Variants in KAZN observed in about 807,000 individuals in gnomAD.
KAZN encodes kazrin.
KAZN carries 40 observed loss-of-function variants against 87.4 expected under a neutral mutation model. The observed-to-expected ratio is 0.46, with a 90% CI of 0.36 to 0.60. KAZN has a LOEUF of 0.60. Ranked by LOEUF, KAZN falls within the 20% of genes least tolerant of loss-of-function variation. KAZN has a pLI of 0.00. For synonymous variants in KAZN, 466 were observed against 458.3 expected, an observed-to-expected ratio of 1.02 and a Z score of -0.22; for missense variants, 898 against 1,073.9, an observed-to-expected ratio of 0.84 and a Z score of 2.29.
At chr1:14,875,620 T>A (rs2101077472) in intron 1 of KAZN, among the ~76,000 whole-genome samples, 1 of 152,162 alleles carries the variant, frequency 6.6e-6, no homozygotes, top group Middle Eastern at 3.4e-3. Context: ...TGTGCTGGGG[T>A]CTGCTCCAGG....
In KAZN at chr1:15,066,418, G is replaced by A. The variant is rs554613375; in HGVS notation, c.1222+665G>A. 2.1e-5 allele frequency: 21 copies of A among 984,382 alleles called. No individual in the cohort carries two copies. Among genetic ancestry groups the A allele is most frequent in the East Asian group, 1.1e-4 (1 of 8,754 alleles). 61.0% of individuals were successfully genotyped at this position (984,382 alleles called of 1,614,324 possible). On this transcript the variant is annotated intron_variant, in intron 8 of 14. Coordinates refer to ENST00000376030, the MANE Select transcript of KAZN (RefSeq NM_201628.3). This position sits in a 1 kb window ranked among gnomAD's most constrained non-coding sequence, Gnocchi z 4.3. ...GTCACTTTAACCACAAAACGCCATC[G>A]TCGTCAGGGTAAGCTCTGCTCTCTA...
At position 14,637,706 on chromosome 1, in the gene KAZN, A is replaced by C. The variant is rs75226648; in HGVS notation, c.226+38483A>C. Among the ~76,000 whole-genome samples, 6 of 152,240 alleles carry C rather than the reference A, an allele frequency of 3.9e-5. No homozygotes were observed. In the East Asian group the frequency reaches 1.2e-3, roughly 29 times the overall value. On this transcript the variant is annotated intron_variant, in intron 1 of 14. Transcript: ENST00000376030. ...TGAGGGTTAAGAACCACTGTCCTGC[A>C]TAAATATATGTGTGTGTGCTCTTGT...
chr1:13,980,202 T>C (rs978430541), intron 1 of KAZN, among the ~76,000 whole-genome samples: 5 of 152,112 alleles, frequency 3.3e-5, no homozygotes, highest in Non-Finnish European at 7.4e-5. Flanking sequence ...AAAAATACTT[T>C]AGTAATTCAA....
intron 2 of KAZN, among the ~76,000 whole-genome samples, chr1:14,298,671 T>G (rs1489822074): frequency 6.6e-6 from 1 of 152,214 alleles, no homozygotes; most frequent in Non-Finnish European, 1.5e-5. Flanking sequence ...GAAGCCAGTG[T>G]TATTAGCTTG....
intron 1 of KAZN, among the ~76,000 whole-genome samples, chr1:13,999,199 A>C (rs533762014): frequency 1.8e-4 from 27 of 152,244 alleles, no homozygotes; most frequent in Middle Eastern, 3.4e-3. Context: ...AATAGAAAAA[A>C]TTAGCTGGGT....
chr1:14,139,209 A>G (rs189032888), intron 1 of KAZN, among the ~76,000 whole-genome samples: 1 of 152,282 alleles, frequency 6.6e-6, no homozygotes. Flanking sequence ...CTTTGCTCCT[A>G]TCCAAATTTG....
At chr1:14,561,695 G>A (rs1379386399) in intron 2 of KAZN, among the ~76,000 whole-genome samples, 4 of 152,104 alleles carry the variant, frequency 2.6e-5, no homozygotes, top group African/African-American at 7.2e-5. Flanking sequence ...CCTGAGGTCA[G>A]GAGTTCAAGA....
intron 1 of KAZN, among the ~76,000 whole-genome samples, chr1:14,764,032 A>G (rs550892585): frequency 1.3e-5 from 2 of 152,160 alleles, no homozygotes; most frequent in Non-Finnish European, 2.9e-5. Flanking sequence ...TACAGGCTTG[A>G]GCCACCACAC....
intron 1 of KAZN, among the ~76,000 whole-genome samples, chr1:14,132,617 G>T (rs192386295): frequency 1.3e-5 from 2 of 152,224 alleles, no homozygotes; most frequent in African/African-American, 2.4e-5. Context: ...AAGAATGCAT[G>T]CTGGAGAGCA....
chr1:14,172,414 A>G (rs1019608003), intron 1 of KAZN, among the ~76,000 whole-genome samples: 1 of 152,138 alleles, frequency 6.6e-6, no homozygotes, highest in Non-Finnish European at 1.5e-5. Context: ...TTTTGGGCAA[A>G]TATTTGTTTG....
intron 2 of KAZN, among the ~76,000 whole-genome samples, chr1:14,566,299 CT>C (rs553019106): frequency 6.6e-6 from 1 of 152,180 alleles, no homozygotes; most frequent in Non-Finnish European, 1.5e-5. Flanking sequence ...TTGAGAGAAT[CT>C]TTTTTTCTAA....
intron 1 of KAZN, among the ~76,000 whole-genome samples, chr1:14,690,078 C>T (rs112028330): frequency 1.3e-5 from 2 of 152,146 alleles, no homozygotes; most frequent in Non-Finnish European, 2.9e-5. Context: ...TGCGTCAACA[C>T]CGTCACCTCC....
intron 2 of KAZN, among the ~76,000 whole-genome samples, chr1:14,461,638 T>C (rs1667856005): frequency 6.6e-6 from 1 of 152,166 alleles, no homozygotes; most frequent in East Asian, 1.9e-4. Flanking sequence ...GTTTATTTGC[T>C]TCCCTCTTCT....
At chr1:14,473,425 G>A (rs532764354) in intron 2 of KAZN, among the ~76,000 whole-genome samples, 2 of 152,202 alleles carry the variant, frequency 1.3e-5, no homozygotes, top group African/African-American at 4.8e-5. Flanking sequence ...TCAGGAGTTT[G>A]AGACCAGCCT....
chr1:14,034,759 G>A (rs1458796356), intron 1 of KAZN, among the ~76,000 whole-genome samples: 1 of 152,156 alleles, frequency 6.6e-6, no homozygotes, highest in Admixed American at 6.5e-5. Flanking sequence ...AGAATGCAAA[G>A]CACCATCAAT....
chr1:15,031,439 A>G (rs1671686612), intron 2 of KAZN, among the ~76,000 whole-genome samples: 1 of 152,210 alleles, frequency 6.6e-6, no homozygotes, highest in Non-Finnish European at 1.5e-5. Flanking sequence ...CGTGGAGCCC[A>G]CCCTGCAGTC....
intron 2 of KAZN, among the ~76,000 whole-genome samples, chr1:14,187,022 AC>A (rs1646323014): frequency 1.3e-5 from 2 of 152,146 alleles, no homozygotes; most frequent in Non-Finnish European, 1.5e-5. Context: ...TTTACAAAGT[AC>A]TTTTGCCAGC....
At chr1:14,594,822 G>C (rs1011478105), upstream of KAZN, among the ~76,000 whole-genome samples, 1 of 152,156 alleles carries the variant, frequency 6.6e-6, no homozygotes, top group Non-Finnish European at 1.5e-5. Flanking sequence ...CTTGCAGGAG[G>C]GGGTTAGGCC....
At chr1:14,289,568 C>A (rs953137396) in intron 2 of KAZN, among the ~76,000 whole-genome samples, 7 of 151,540 alleles carry the variant, frequency 4.6e-5, no homozygotes, top group African/African-American at 1.7e-4. Flanking sequence ...TATTTTGAGC[C>A]TATGTCTCTG....
Sources: allele counts gnomAD v4.1 joint callset (sites outside exome capture counted in the v4.1 genomes callset), GRCh38; gene constraint gnomAD v4.1.1; non-coding constraint Gnocchi (gnomAD v3.1); transcripts MANE v1.5; gene names NCBI Gene and HGNC (gene_info 2026-07-23, HGNC 2026-07-21).